SPTBN1: variants seen among roughly 807,000 people sequenced by gnomAD.
SPTBN1 encodes the protein spectrin beta, non-erythrocytic 1.
In SPTBN1, 32 loss-of-function variants were observed where a neutral mutation model predicts 266.4. That is an observed-to-expected ratio of 0.12 (90% CI 0.09 to 0.16). The LOEUF is 0.16. SPTBN1 is among the 10% of genes least tolerant of loss of function. The pLI is 1.00. For synonymous variants in SPTBN1, 1,336 were observed against 1,162.2 expected (o/e 1.15, Z -3.04); for missense variants, 2,296 against 3,067.1 (o/e 0.75, Z 5.94).
chr2:54,541,626 G>C (rs1200986704), intron 2 of SPTBN1, among the ~76,000 whole-genome samples: 4 of 152,238 alleles, frequency 2.6e-5, no homozygotes, highest in African/African-American at 9.6e-5. Context: ...CACAATTATT[G>C]TCCGAACTGA....
At chr2:54,607,595 C>T (rs565281692) in intron 3 of SPTBN1, among the ~76,000 whole-genome samples, 13 of 151,766 alleles carry the variant, frequency 8.6e-5, no homozygotes, top group African/African-American at 2.4e-4. Context: ...CCAGCCTGGG[C>T]GACAGAGCGA....
At chr2:54,534,599 T>C (rs1671482645) in intron 2 of SPTBN1, among the ~76,000 whole-genome samples, 1 of 152,224 alleles carries the variant, frequency 6.6e-6, no homozygotes, top group Non-Finnish European at 1.5e-5. Flanking sequence ...GAATCTTTGC[T>C]TTACTTTTTT....
chr2:54,659,928 C>T lies in SPTBN1; in HGVS notation c.6357-8C>T, dbSNP rs777806723. The stretch of plus-strand genomic sequence containing the variant: ...TTCCCTTCCTCCTTTTCCCCTCTTC[C>T]CTAACAGGGATACTTCAAAAGGAGA... On this transcript the variant is annotated splice_region_variant and splice_polypyrimidine_tract_variant and intron_variant, in intron 31 of 35. Transcript: ENST00000356805. 2 of 1,613,498 alleles carry T rather than the reference C, an allele frequency of 1.2e-6. No individual in the cohort carries two copies. Among genetic ancestry groups the T allele is most frequent in the Admixed American group, 3.3e-5 (2 of 60,008 alleles).
intron 1 of SPTBN1, among the ~76,000 whole-genome samples, chr2:54,468,314 AT>A (rs1358663333): frequency 7.1e-6 from 1 of 140,164 alleles, no homozygotes; most frequent in Non-Finnish European, 1.6e-5. Context: ...CTCAAAAAAA[AT>A]AAAATAAAAA....
intron 17 of SPTBN1, 91 bp downstream of exon 17, chr2:54,632,859 A>G (rs1678848632): frequency 2.8e-6 from 4 of 1,427,154 alleles, no homozygotes; most frequent in Non-Finnish European, 3.8e-6. Flanking sequence ...GAGTTTAGGT[A>G]TAAATTTCCC....
intron 7 of SPTBN1, 116 bp downstream of exon 7, chr2:54,618,309 A>G (rs983007351): frequency 3.3e-6 from 3 of 910,076 alleles, no homozygotes; most frequent in African/African-American, 1.7e-5. Flanking sequence ...GGAAGAGCTT[A>G]ATTTTGGTTA....
chr2:54,588,463 C>T (rs542170803), intron 2 of SPTBN1, among the ~76,000 whole-genome samples: 8 of 152,092 alleles, frequency 5.3e-5, no homozygotes, highest in Admixed American at 4.6e-4. Flanking sequence ...GATGGAGTGC[C>T]TCAGGTGCTT....
At chr2:54,562,139 G>C (rs1416792677) in intron 2 of SPTBN1, among the ~76,000 whole-genome samples, 2 of 152,176 alleles carry the variant, frequency 1.3e-5, no homozygotes, top group African/African-American at 4.8e-5. Context: ...AATAAAAGAG[G>C]AATGTTGAAA....
intron 2 of SPTBN1, among the ~76,000 whole-genome samples, chr2:54,531,767 C>T (rs1207816877): frequency 2.6e-5 from 4 of 152,000 alleles, no homozygotes; most frequent in Non-Finnish European, 5.9e-5. Context: ...TTCATATCTG[C>T]GTCACTCATC....
chr2:54,653,893 CT>C lies in SPTBN1; in HGVS notation c.5822+42del, dbSNP rs1405540931. Reference sequence around the variant, plus strand: ...CCAAAGGAAATTGGACTTATTGGCGCTTGGTTAAAACACAGGAGTCTTCCAG... The same window carrying C: ...CCAAAGGAAATTGGACTTATTGGCGCTGGTTAAAACACAGGAGTCTTCCAG... On this transcript the variant is annotated intron_variant, in intron 27 of 35. Coordinates refer to ENST00000356805, the MANE Select transcript of SPTBN1 (RefSeq NM_003128.3). The surrounding 1 kb of genome is among the most constrained non-coding windows in gnomAD (Gnocchi z 5.1). 5 of 1,594,818 alleles carry C rather than the reference CT, an allele frequency of 3.1e-6. No individual in the cohort carries two copies. In the South Asian group the frequency reaches 5.7e-5, roughly 18 times the overall value.
chr2:54,586,584 C>G, intron 2 of SPTBN1, among the ~76,000 whole-genome samples: 1 of 152,174 alleles, frequency 6.6e-6, no homozygotes, highest in East Asian at 1.9e-4. Context: ...ATGGGAGCTT[C>G]CATAATTCAT....
At chr2:54,458,946 G>A (rs548988241) in intron 1 of SPTBN1, among the ~76,000 whole-genome samples, 5 of 152,206 alleles carry the variant, frequency 3.3e-5, no homozygotes, top group Non-Finnish European at 7.3e-5. Flanking sequence ...ATTGTGTGGT[G>A]TATGTGCGTT....
intron 2 of SPTBN1, among the ~76,000 whole-genome samples, chr2:54,592,325 T>A (rs1675734863): frequency 6.6e-6 from 1 of 152,228 alleles, no homozygotes; most frequent in East Asian, 1.9e-4. Context: ...AGCCCTTTTT[T>A]TTAACCATTA....
In SPTBN1 at chr2:54,585,444, A is replaced by G. The variant is rs75503493; in HGVS notation, c.149-13648A>G. Among the ~76,000 whole-genome samples the G allele has an allele frequency of 5.7e-3, 855 of 150,616 alleles. 11 individuals carry two copies. Among genetic ancestry groups the G allele is most frequent in the African/African-American group, 0.021 (821 of 39,994 alleles). Reference sequence around the variant, plus strand: ...CTGTCCTCCTCTATTAAAACAAGGCAATGTACATTGGGTACTTACAGGATT... The same window carrying G: ...CTGTCCTCCTCTATTAAAACAAGGCGATGTACATTGGGTACTTACAGGATT... On this transcript the variant is annotated intron_variant, in intron 2 of 35. Coordinates refer to ENST00000356805, the MANE Select transcript of SPTBN1 (RefSeq NM_003128.3).
chr2:54,458,900 A>G (rs1410270730), intron 1 of SPTBN1, among the ~76,000 whole-genome samples: 4 of 152,190 alleles, frequency 2.6e-5, no homozygotes, highest in Non-Finnish European at 2.9e-5. Flanking sequence ...GTTGCTTTTG[A>G]TTTCATGTGG....
rs1162514604 is a variant in SPTBN1, at chr2:54,554,634, A to G, written c.148+28068A>G. ...TAGACGAAGATTGAGAGGCCCAGAG[A>G]ACATCAGAAACATGCTCAAGATTAC... On this transcript the variant is annotated intron_variant, in intron 2 of 35. Coordinates refer to ENST00000356805, the MANE Select transcript of SPTBN1 (RefSeq NM_003128.3). This position sits in a 1 kb window ranked among gnomAD's most constrained non-coding sequence, Gnocchi z 4.5. 6.6e-6 allele frequency among the ~76,000 whole-genome samples: 1 copy of G among 152,192 alleles called. No individual in the cohort carries two copies. The highest frequency in any genetic ancestry group is 2.4e-5 in the African/African-American group (1 of 41,432).
intron 4 of SPTBN1, among the ~76,000 whole-genome samples, chr2:54,613,714 C>T (rs1677383329): frequency 6.6e-6 from 1 of 152,314 alleles, no homozygotes; most frequent in African/African-American, 2.4e-5. Flanking sequence ...CATTTTTCCC[C>T]AGATAGAACT....
chr2:54,543,057 G>A (rs1211789249), intron 2 of SPTBN1, among the ~76,000 whole-genome samples: 1 of 152,264 alleles, frequency 6.6e-6, no homozygotes, highest in East Asian at 1.9e-4. Context: ...CCCACTGCTG[G>A]AGCACCTGAA....
Position 54,626,312 on chromosome 2 carries a change from C to G in SPTBN1, c.1644+78C>G, listed in dbSNP as rs918482543. The G allele has an allele frequency of 6.7e-7, 1 of 1,492,636 alleles. No individual in the cohort carries two copies. The highest frequency in any genetic ancestry group is 9.0e-7 in the Non-Finnish European group (1 of 1,110,832). 92.5% of individuals were successfully genotyped at this position (1,492,636 alleles called of 1,614,324 possible). A position where few individuals can be genotyped will look rare whatever the true frequency, so the allele number is the denominator to read the frequency against. On this transcript the variant is annotated intron_variant, in intron 12 of 35. Transcript: ENST00000356805. This position sits in a 1 kb window ranked among gnomAD's most constrained non-coding sequence, Gnocchi z 4.7. ...TTTTCTGTGACTCATTCACTAAACC[C>G]CTACGTACAGCTGTGTGCCTTGTCT...
Sources: allele counts gnomAD v4.1 joint callset (sites outside exome capture counted in the v4.1 genomes callset), GRCh38; gene constraint gnomAD v4.1.1; non-coding constraint Gnocchi (gnomAD v3.1); transcripts MANE v1.5; gene names NCBI Gene and HGNC (gene_info 2026-07-23, HGNC 2026-07-21).